CDK2AP1: variants seen among roughly 807,000 people sequenced by gnomAD.
The protein encoded by CDK2AP1 is cyclin dependent kinase 2 associated protein 1.
In CDK2AP1, 10 loss-of-function variants were observed where a neutral mutation model predicts 14.1. That is an observed-to-expected ratio of 0.71 (90% CI 0.44 to 1.20). CDK2AP1 has a LOEUF of 1.20. Among genes scored for constraint, CDK2AP1 ranks in the 50% most tolerant of loss-of-function variants. CDK2AP1 has a pLI of 0.00. For missense variants in CDK2AP1, 102 were observed against 149.9 expected, an observed-to-expected ratio of 0.68 and a Z score of 1.67; for synonymous variants, 59 against 59.8, an observed-to-expected ratio of 0.99 and a Z score of 0.06.
chr12:123,270,527 C>A (rs534774135), intron 1 of CDK2AP1, among the ~76,000 whole-genome samples: 1 of 152,254 alleles, frequency 6.6e-6, no homozygotes, highest in African/African-American at 2.4e-5. Flanking sequence ...GCAACACAAC[C>A]GCCTTTTGGG....
At position 123,266,202 on chromosome 12, in the gene CDK2AP1, T is replaced by G. The variant is rs1006924316; in HGVS notation, c.154-880A>C. Among the ~76,000 whole-genome samples, 18 of 152,296 alleles carry G rather than the reference T, an allele frequency of 1.2e-4. 1 individual carries two copies. Among genetic ancestry groups the G allele is most frequent in the African/African-American group, 4.3e-4 (18 of 41,574 alleles). ...TCCCCTGGCCTCGCGCTCTGTCCTG[T>G]CCTCGTCCTGCTCCGGCTGCTCTGC... On this transcript the variant is annotated intron_variant, in intron 2 of 3. Transcript: ENST00000261692.
chr12:123,262,045 C>A (rs2048238057), intron 3 of CDK2AP1: 1 of 411,392 alleles, frequency 2.4e-6, no homozygotes, highest in Non-Finnish European at 4.4e-6. Flanking sequence ...TTCCTGCATT[C>A]AAGGTGCACC....
intron 1 of CDK2AP1, chr12:123,269,049 A>G (rs2048328970): frequency 6.6e-6 from 1 of 152,238 alleles, no homozygotes. Flanking sequence ...GCACCCTCGC[A>G]TTCCCTCGGT....
upstream of CDK2AP1, chr12:123,272,169 G>A (rs2048360229): frequency 6.6e-6 from 1 of 152,174 alleles, no homozygotes; most frequent in South Asian, 2.1e-4. Flanking sequence ...GGAGAAAATG[G>A]TGGCGAGTGG....
At chr12:123,262,109 T>C in intron 3 of CDK2AP1, 2 of 280,562 alleles carry the variant, frequency 7.1e-6, no homozygotes, top group Middle Eastern at 1.1e-3. Flanking sequence ...TCCACCCAAA[T>C]TCTTTTGCTT....
intron 1 of CDK2AP1, among the ~76,000 whole-genome samples, chr12:123,268,610 G>A (rs1335199628): frequency 1.3e-5 from 2 of 152,226 alleles, no homozygotes; most frequent in East Asian, 3.8e-4. Context: ...CTGCAAACGT[G>A]GACTTGGATC....
rs760845365 is a variant in CDK2AP1 at position 123,267,297 on chromosome 12, G to A, written c.56-15C>T. On this transcript the variant is annotated splice_polypyrimidine_tract_variant and intron_variant, in intron 1 of 3. Coordinates refer to ENST00000261692, the MANE Select transcript of CDK2AP1 (RefSeq NM_004642.4). ...GACACTCCCAGCTGTGGGGTGGGGA[G>A]AGAGAGGCCAGGAGTCAGCTCAGCC... The A allele has an allele frequency of 2.6e-6, 4 of 1,553,622 alleles. No homozygotes were observed. In the South Asian group the frequency reaches 3.3e-5, roughly 13 times the overall value.
Position 123,265,507 on chromosome 12 carries a change from GA to G in CDK2AP1, c.154-186del, listed in dbSNP as rs55960300. ...AACAGAGCGAGACTCCATCTCGGGG[GA>G]AAAAAAAAAAAAAGGGTTCAGCAGC... On this transcript the variant is annotated intron_variant, in intron 2 of 3. Coordinates refer to ENST00000261692, the MANE Select transcript of CDK2AP1 (RefSeq NM_004642.4). The surrounding 1 kb of genome is among the most constrained non-coding windows in gnomAD (Gnocchi z 5.3). Among the ~76,000 whole-genome samples the G allele has an allele frequency of 0.53, 74,174 of 140,182 alleles. 23,219 individuals carry two copies. Among genetic ancestry groups the G allele is most frequent in the Non-Finnish European group, 0.69 (45,059 of 65,260 alleles). The allele number at this position is 140,182 out of a possible 152,430, so 92.0% of individuals were successfully genotyped here. A position where few individuals can be genotyped will look rare whatever the true frequency, so the allele number is the denominator to read the frequency against.
intron 1 of CDK2AP1, chr12:123,271,137 C>A: frequency 1.8e-6 from 1 of 562,990 alleles, no homozygotes; most frequent in Non-Finnish European, 2.2e-6. Context: ...TGCTTCACGA[C>A]CCCGCTCCCC....
At chr12:123,268,341 G>T (rs1024549287) in intron 1 of CDK2AP1, 3 of 536,420 alleles carry the variant, frequency 5.6e-6, no homozygotes, top group East Asian at 2.9e-4. Flanking sequence ...GAGGAGGAAG[G>T]AAGTTCAGGG....
chr12:123,269,609 C>G (rs1476994258), intron 1 of CDK2AP1, among the ~76,000 whole-genome samples: 1 of 152,172 alleles, frequency 6.6e-6, no homozygotes, highest in African/African-American at 2.4e-5. Context: ...GGCTCCCCAC[C>G]CCCACGCCAG....
rs1426245711 is a variant in CDK2AP1 at position 123,263,236 on chromosome 12, A to AC, written c.281-1434dup. Among the ~76,000 whole-genome samples, 28 of 149,386 alleles carry AC rather than the reference A, an allele frequency of 1.9e-4. 1 individual carries two copies. Among genetic ancestry groups the AC allele is most frequent in the Admixed American group, 1.5e-3 (23 of 14,924 alleles). On this transcript the variant is annotated intron_variant, in intron 3 of 3. Coordinates refer to ENST00000261692, the MANE Select transcript of CDK2AP1 (RefSeq NM_004642.4). ...AAAAAAAAAAAAAAAACAAAAAAAA[A>AC]CCACTATTCTTGGCTCCTGGCTCTT...
At chr12:123,268,090 G>A (rs76514049) in intron 1 of CDK2AP1, 27,467 of 752,390 alleles carry the variant, frequency 0.037, 710 homozygotes, top group East Asian at 0.26. Flanking sequence ...ACGCGGCCCC[G>A]CAATGGCGTC....
rs1331492023 is a variant in CDK2AP1 at position 123,269,951 on chromosome 12, C to T, written c.55+1613G>A. ...ATCTCGGCACTCCTGGAATTCTCCA[C>T]AGGACAAAGAAGAAAAGCTGAGTAC... On this transcript the variant is annotated intron_variant, in intron 1 of 3. Coordinates refer to ENST00000261692, the MANE Select transcript of CDK2AP1 (RefSeq NM_004642.4). Among the ~76,000 whole-genome samples the T allele has an allele frequency of 2.0e-5, 3 of 152,268 alleles. No homozygotes were observed. The East Asian group carries it at 5.8e-4, about 29-fold the overall frequency.
At position 123,265,749 on chromosome 12, in the gene CDK2AP1, T is replaced by C. The variant is rs2048283997; in HGVS notation, c.154-427A>G. 6.6e-6 allele frequency among the ~76,000 whole-genome samples: 1 copy of C among 152,044 alleles called. No individual in the cohort carries two copies. The highest frequency in any genetic ancestry group is 1.5e-5 in the Non-Finnish European group (1 of 68,002). Reference sequence around the variant, plus strand: ...AGTCGTCTCCAGGAAGCAACTTTATTATCTCCAATGAACAAAACAGGGGAA... The same window carrying C: ...AGTCGTCTCCAGGAAGCAACTTTATCATCTCCAATGAACAAAACAGGGGAA... On this transcript the variant is annotated intron_variant, in intron 2 of 3. Coordinates refer to ENST00000261692, the MANE Select transcript of CDK2AP1 (RefSeq NM_004642.4). This position sits in a 1 kb window ranked among gnomAD's most constrained non-coding sequence, Gnocchi z 5.3.
intron 1 of CDK2AP1, among the ~76,000 whole-genome samples, chr12:123,269,489 G>C (rs1042409930): frequency 1.3e-5 from 2 of 152,230 alleles, no homozygotes; most frequent in African/African-American, 4.8e-5. Flanking sequence ...ACAGGGACCA[G>C]GACACAGGGA....
rs2048281414 is a variant in CDK2AP1, at chr12:123,265,524, G to A, written c.154-202C>T. Among the ~76,000 whole-genome samples, 1 of 140,080 alleles carries A rather than the reference G, an allele frequency of 7.1e-6. No homozygotes were observed. Among genetic ancestry groups the A allele is most frequent in the Non-Finnish European group, 1.6e-5 (1 of 62,492 alleles). 91.9% of individuals were successfully genotyped at this position (140,080 alleles called of 152,430 possible). ...TCTCGGGGGAAAAAAAAAAAAAAGGGTTCAGCAGCCTGACCCCAAGGCCAC... is the reference window on the plus strand; with the variant it reads ...TCTCGGGGGAAAAAAAAAAAAAAGGATTCAGCAGCCTGACCCCAAGGCCAC... On this transcript the variant is annotated intron_variant, in intron 2 of 3. Coordinates refer to ENST00000261692, the MANE Select transcript of CDK2AP1 (RefSeq NM_004642.4). This position sits in a 1 kb window ranked among gnomAD's most constrained non-coding sequence, Gnocchi z 5.3.
intron 2 of CDK2AP1, among the ~76,000 whole-genome samples, chr12:123,266,090 C>G (rs1026600863): frequency 6.6e-6 from 1 of 152,248 alleles, no homozygotes; most frequent in Non-Finnish European, 1.5e-5. Context: ...CAAGCCCAGG[C>G]TACCTCCCCT....
In CDK2AP1 at chr12:123,265,449, G is replaced by A; in HGVS notation, c.154-127C>T. 4.9e-6 allele frequency: 4 copies of A among 820,750 alleles called. No individual in the cohort carries two copies. The highest frequency in any genetic ancestry group is 8.0e-6 in the Non-Finnish European group (4 of 498,932). The allele number at this position is 820,750 out of a possible 1,614,324, so 50.8% of individuals were successfully genotyped here. On this transcript the variant is annotated intron_variant, in intron 2 of 3. Transcript: ENST00000261692. The surrounding 1 kb of genome is among the most constrained non-coding windows in gnomAD (Gnocchi z 5.3). ...ACCCAGGAGGTGGAAGTTGCAGTGA[G>A]CCAAGATCACTCCACTGCACTCCAG...
Sources: gnomAD v4.1 joint callset for allele counts (sites outside exome capture counted in the v4.1 genomes callset) on GRCh38, gnomAD v4.1.1 for gene constraint, Gnocchi (gnomAD v3.1) non-coding constraint, MANE v1.5 for transcripts, NCBI Gene and HGNC (gene_info 2026-07-23, HGNC 2026-07-21) for gene names.